The following LPP variants were observed in gnomAD, a reference collection of about 807,000 sequenced individuals.
The protein encoded by LPP is LIM domain containing preferred translocation partner in lipoma.
LPP carries 38 observed loss-of-function variants against 60.4 expected under a neutral mutation model. The observed-to-expected ratio is 0.63, with a 90% CI of 0.49 to 0.83. LPP has a LOEUF of 0.83. Among genes scored for constraint, LPP ranks in the 40% least tolerant of loss-of-function variants. The pLI is 0.00. For missense variants in LPP, 902 were observed against 783.6 expected, an observed-to-expected ratio of 1.15 and a Z score of -1.80; for synonymous variants, 328 against 290.8, an observed-to-expected ratio of 1.13 and a Z score of -1.30.
chr3:188,865,683 G>GT (rs5855229), intron 9 of LPP, among the ~76,000 whole-genome samples: 84 of 150,364 alleles, frequency 5.6e-4, no homozygotes, highest in Middle Eastern at 3.4e-3. Context: ...CCCATTGTCT[G>GT]TTTTTTTTTT....
chr3:188,726,242 A>G (rs990517910), intron 8 of LPP, among the ~76,000 whole-genome samples: 1 of 152,122 alleles, frequency 6.6e-6, no homozygotes, highest in Admixed American at 6.5e-5. Context: ...TGGAACCAAG[A>G]TAGTCATCTT....
At chr3:188,392,728 G>C (rs985142677) in intron 3 of LPP, among the ~76,000 whole-genome samples, 2 of 151,976 alleles carry the variant, frequency 1.3e-5, no homozygotes, top group African/African-American at 4.8e-5. Context: ...GGACCATCCT[G>C]GCCAGATACT....
chr3:188,827,267 C>G (rs1056122792), intron 9 of LPP, among the ~76,000 whole-genome samples: 1 of 152,144 alleles, frequency 6.6e-6, no homozygotes, highest in Non-Finnish European at 1.5e-5. Flanking sequence ...CATCTGACAT[C>G]CAACACCACA....
intron 2 of LPP, among the ~76,000 whole-genome samples, chr3:188,286,869 G>A (rs1744100895): frequency 6.6e-6 from 1 of 152,112 alleles, no homozygotes. Flanking sequence ...GTAAGACAAA[G>A]CACAGGTTTA....
chr3:188,741,901 G>T (rs887246213), intron 8 of LPP, among the ~76,000 whole-genome samples: 1 of 151,938 alleles, frequency 6.6e-6, no homozygotes, highest in Non-Finnish European at 1.5e-5. Context: ...ATATGACAAA[G>T]ATTTTATGCC....
intron 9 of LPP, among the ~76,000 whole-genome samples, chr3:188,789,458 A>G (rs545133782): frequency 4.3e-4 from 66 of 152,354 alleles, no homozygotes; most frequent in African/African-American, 1.5e-3. Flanking sequence ...TCGGTCTTAT[A>G]CTTTATGACA....
intron 6 of LPP, among the ~76,000 whole-genome samples, chr3:188,599,823 AATTAGT>A (rs1159352006): frequency 1.4e-5 from 2 of 147,276 alleles, no homozygotes; most frequent in Non-Finnish European, 3.0e-5. Context: ...GAGGACTAAA[AATTAGT>A]ATTAGTAGTA....
intron 2 of LPP, among the ~76,000 whole-genome samples, chr3:188,294,286 CTG>C (rs1466969474): frequency 1.2e-4 from 18 of 152,028 alleles, no homozygotes; most frequent in Admixed American, 1.2e-3. Context: ...TTGCACAACA[CTG>C]TGAAATACTA....
chr3:188,732,372 T>A (rs1720927017), intron 8 of LPP, among the ~76,000 whole-genome samples: 1 of 152,162 alleles, frequency 6.6e-6, no homozygotes, highest in Non-Finnish European at 1.5e-5. Flanking sequence ...TACATTTACA[T>A]CCCCAAATTC....
Position 188,636,249 on chromosome 3 carries a change from G to A in LPP, c.1113+26405G>A, listed in dbSNP as rs576290943. On this transcript the variant is annotated intron_variant, in intron 7 of 11. Transcript: ENST00000617246. ...CGAGGCATTGCCTCACTCGGGAAGCGCAAGGGGTCAGGGAGTTCCCTTTCC... is the reference window on the plus strand; with the variant it reads ...CGAGGCATTGCCTCACTCGGGAAGCACAAGGGGTCAGGGAGTTCCCTTTCC... 1.8e-4 allele frequency among the ~76,000 whole-genome samples: 27 copies of A among 152,330 alleles called. No homozygotes were observed. In the East Asian group the frequency reaches 1.9e-3, roughly 11 times the overall value.
At chr3:188,542,349 G>A (rs1053904120) in intron 6 of LPP, among the ~76,000 whole-genome samples, 18 of 152,160 alleles carry the variant, frequency 1.2e-4, no homozygotes, top group African/African-American at 4.3e-4. Context: ...ACAATATCTT[G>A]TTAAACATCA....
chr3:188,341,875 T>C (rs1347993106), intron 3 of LPP, among the ~76,000 whole-genome samples, 156 bp downstream of exon 3: 1 of 152,248 alleles, frequency 6.6e-6, no homozygotes, highest in Non-Finnish European at 1.5e-5. Context: ...CTGACCTCTC[T>C]TTTTATTTTT....
chr3:188,570,231 G>A (rs1476502654), intron 6 of LPP, among the ~76,000 whole-genome samples: 1 of 152,016 alleles, frequency 6.6e-6, no homozygotes, highest in Non-Finnish European at 1.5e-5. Context: ...CTACCCTGGA[G>A]TTCTGTCTTG....
chr3:188,165,657 G>T (rs1207198691), intron 1 of LPP, among the ~76,000 whole-genome samples: 1 of 152,234 alleles, frequency 6.6e-6, no homozygotes, highest in East Asian at 1.9e-4. Context: ...TAGTGTGCTA[G>T]ACGGATTGAA....
chr3:188,846,122 G>A (rs1367589553), intron 9 of LPP, among the ~76,000 whole-genome samples: 1 of 152,156 alleles, frequency 6.6e-6, no homozygotes, highest in Non-Finnish European at 1.5e-5. Flanking sequence ...AGATGAGTCC[G>A]TGCTGGTCCC....
chr3:188,368,677 C>T (rs1236171702), intron 3 of LPP, among the ~76,000 whole-genome samples: 1 of 42,248 alleles, frequency 2.4e-5, no homozygotes, highest in African/African-American at 5.9e-5. Flanking sequence ...AACACACACA[C>T]ACTCTCACAC....
At chr3:188,286,118 G>T (rs1743831974) in intron 2 of LPP, among the ~76,000 whole-genome samples, 1 of 152,116 alleles carries the variant, frequency 6.6e-6, no homozygotes, top group African/African-American at 2.4e-5. Flanking sequence ...ATCTGTGCCC[G>T]TCCTTGTCAC....
intron 3 of LPP, among the ~76,000 whole-genome samples, chr3:188,386,942 G>T (rs1211598894): frequency 1.3e-5 from 2 of 152,034 alleles, no homozygotes; most frequent in Admixed American, 1.3e-4. Flanking sequence ...GAAAAATAAG[G>T]ATACAAAATG....
chr3:188,300,719 G>A (rs1749540136), intron 2 of LPP, among the ~76,000 whole-genome samples: 1 of 152,108 alleles, frequency 6.6e-6, no homozygotes, highest in African/African-American at 2.4e-5. Flanking sequence ...TCCTGCGTTA[G>A]GTAAGTTGCC....
Sources: gnomAD v4.1 joint callset for allele counts (sites outside exome capture counted in the v4.1 genomes callset) on GRCh38, gnomAD v4.1.1 for gene constraint, MANE v1.5 for transcripts, NCBI Gene and HGNC (gene_info 2026-07-23, HGNC 2026-07-21) for gene names.